Variants in WDR45B observed in about 807,000 individuals in gnomAD.
WDR45B encodes the protein WD repeat domain phosphoinositide-interacting protein 3.
WDR45B carries 20 observed loss-of-function variants against 44.6 expected under a neutral mutation model. The ratio of observed to expected loss-of-function variants is 0.45; its 90% CI spans 0.32 to 0.65. The LOEUF is 0.65. Ranked by LOEUF, WDR45B falls within the 30% of genes least tolerant of loss-of-function variation. The pLI, the probability that WDR45B is intolerant of heterozygous loss-of-function variation, is 0.05. For synonymous variants in WDR45B, 169 were observed against 164.9 expected (o/e 1.02, Z -0.19); for missense variants, 323 against 430.2 (o/e 0.75, Z 2.20).
intron 7 of WDR45B, among the ~76,000 whole-genome samples, chr17:82,618,631 G>A (rs971770339): frequency 1.3e-5 from 2 of 152,164 alleles, no homozygotes; most frequent in African/African-American, 2.4e-5. Flanking sequence ...CAGCTGCTCA[G>A]GAGGCTGAGG....
At chr17:82,618,896 C>G in intron 7 of WDR45B, 147 bp downstream of exon 7, 1 of 717,546 alleles carries the variant, frequency 1.4e-6, no homozygotes, top group Non-Finnish European at 2.5e-6. Context: ...AAGCTGAAAC[C>G]CAACCCCCTA....
At chr17:82,636,260 C>CAAAAAAAAA (rs71168123) in intron 2 of WDR45B, among the ~76,000 whole-genome samples, 1 of 104,600 alleles carries the variant, frequency 9.6e-6, no homozygotes, top group Non-Finnish European at 1.9e-5. Flanking sequence ...GACTCCGTCT[C>CAAAAAAAAA]AAAAAAAAAA....
At chr17:82,620,277 T>C (rs778660015) in intron 6 of WDR45B, among the ~76,000 whole-genome samples, 3 of 151,950 alleles carry the variant, frequency 2.0e-5, no homozygotes, top group Non-Finnish European at 4.4e-5. Flanking sequence ...CTACTAAAAA[T>C]ACAAACATTA....
rs772141094 is a variant in WDR45B at position 82,643,990 on chromosome 17, C to T, written c.101G>A (p.Arg34Gln). Residue 34 changes from arginine (R) to glutamine (Q), a missense_variant, in exon 2 of 10, where the codon CGA becomes CAA. Physicochemically the swap from Arg to Gln is conservative, Grantham distance 43. Coordinates refer to ENST00000392325, the MANE Select transcript of WDR45B (RefSeq NM_019613.4). ...CFACGMENGFRVYNTDPLKEK... is the reference protein window; with the variant it reads ...CFACGMENGFQVYNTDPLKEK... ...TTTTAGTGGATCAGTGTTATAGACT[C>T]GGAATCCATTTTCCATCCCACACGC... The T allele has an allele frequency of 3.7e-6, 6 of 1,613,972 alleles. No homozygotes were observed. The highest frequency in any genetic ancestry group is 4.2e-6 in the Non-Finnish European group (5 of 1,180,020).
intron 1 of WDR45B, among the ~76,000 whole-genome samples, chr17:82,646,571 G>A (rs2045981273): frequency 1.3e-5 from 2 of 150,926 alleles, no homozygotes; most frequent in South Asian, 2.1e-4. Context: ...TACAGAAGTA[G>A]GCAAAACTAA....
chr17:82,636,526 G>C (rs2045835084), intron 2 of WDR45B: 1 of 151,950 alleles, frequency 6.6e-6, no homozygotes, highest in Non-Finnish European at 1.5e-5. Context: ...TGCAGCTGAA[G>C]AGGGGGAAAG....
chr17:82,630,953 C>A lies in WDR45B; in HGVS notation c.212G>T (p.Gly71Val), dbSNP rs1568009539. ...FRCNYLALVG[G>V]GKKPKYPPNK... The stretch of plus-strand genomic sequence containing the variant: ...GGGAGGGTATTTCGGCTTTTTTCCA[C>A]CACCAACTAAAGCTAAATAGTTGCA... The change falls in exon 3 of 10, where the codon GGT becomes GTT. Residue 71 changes from glycine (G) to valine (V), a missense_variant. Coordinates refer to ENST00000392325, the MANE Select transcript of WDR45B (RefSeq NM_019613.4). 6.2e-7 allele frequency: 1 copy of A among 1,612,846 alleles called. No individual in the cohort carries two copies. Among genetic ancestry groups the A allele is most frequent in the East Asian group, 2.2e-5 (1 of 44,892 alleles).
chr17:82,641,256 C>T (rs1032675759), intron 2 of WDR45B, among the ~76,000 whole-genome samples: 2 of 152,110 alleles, frequency 1.3e-5, no homozygotes, highest in African/African-American at 4.8e-5. Flanking sequence ...CGTGAGCCAC[C>T]GTGCGGGCCG....
chr17:82,617,586 G>C (rs1423940467), intron 7 of WDR45B, 189 bp from the exon 8 acceptor site: 1 of 646,602 alleles, frequency 1.5e-6, no homozygotes, highest in Non-Finnish European at 2.8e-6. Flanking sequence ...AAGCCACAAA[G>C]CCACAGCCAC....
chr17:82,615,527 C>T lies in WDR45B; in HGVS notation c.*392G>A. The T allele has an allele frequency of 3.4e-6, 1 of 295,574 alleles. No individual in the cohort carries two copies. Among genetic ancestry groups the T allele is most frequent in the Non-Finnish European group, 6.6e-6 (1 of 151,044 alleles). 18.3% of individuals were successfully genotyped at this position (295,574 alleles called of 1,614,324 possible). A position where few individuals can be genotyped will look rare whatever the true frequency, so the allele number is the denominator to read the frequency against. The stretch of plus-strand genomic sequence containing the variant: ...CACTTGTTCACTCCCCCGCTGCAGA[C>T]TCAGTAAGAACGACGGAATCTGCTG... On this transcript the variant is annotated 3_prime_UTR_variant, in exon 10 of 10. Coordinates refer to ENST00000392325, the MANE Select transcript of WDR45B (RefSeq NM_019613.4).
chr17:82,621,602 CA>C lies in WDR45B; in HGVS notation c.618+6del. 3.1e-6 allele frequency: 5 copies of C among 1,614,138 alleles called. No homozygotes were observed. Among genetic ancestry groups the C allele is most frequent in the Non-Finnish European group, 4.2e-6 (5 of 1,180,050 alleles). On this transcript the variant is annotated splice_donor_region_variant and intron_variant, in intron 6 of 9. Transcript: ENST00000392325. ...CACAACACCAACAAGGTGAGTGGCA[CA>C]CTTACTTTCTCGGATGCAGTTGCAA...
chr17:82,631,086 G>A lies in WDR45B; in HGVS notation c.143-64C>T. On this transcript the variant is annotated intron_variant, in intron 2 of 9. Coordinates refer to ENST00000392325, the MANE Select transcript of WDR45B (RefSeq NM_019613.4). ...AATATGTATATTTTACAATAAAAAA[G>A]AAAAGAGAAAGTCAAGACAGGTAAC... 4.0e-6 allele frequency: 6 copies of A among 1,516,408 alleles called. No homozygotes were observed. The South Asian group carries it at 5.7e-5, about 14-fold the overall frequency. The allele number at this position is 1,516,408 out of a possible 1,614,324, so 93.9% of individuals were successfully genotyped here. A position where few individuals can be genotyped will look rare whatever the true frequency, so the allele number is the denominator to read the frequency against.
chr17:82,632,071 C>T (rs547148067), intron 2 of WDR45B, among the ~76,000 whole-genome samples: 10 of 150,006 alleles, frequency 6.7e-5, no homozygotes, highest in Non-Finnish European at 1.5e-4. Context: ...CAGAGCGAGA[C>T]TCTATCTCAA....
intron 4 of WDR45B, chr17:82,625,750 T>C: frequency 2.1e-6 from 1 of 482,040 alleles, no homozygotes; most frequent in Non-Finnish European, 3.8e-6. Context: ...AGAGACATCA[T>C]CAAACACTCC....
intron 2 of WDR45B, 37 bp downstream of exon 2, chr17:82,643,912 A>C: frequency 6.2e-7 from 1 of 1,604,992 alleles, no homozygotes; most frequent in East Asian, 2.2e-5. Context: ...GAGGGTTGGA[A>C]AGGGGAGAAA....
intron 6 of WDR45B, among the ~76,000 whole-genome samples, chr17:82,620,365 G>T (rs1027901836): frequency 6.6e-6 from 1 of 152,212 alleles, no homozygotes. Flanking sequence ...CCCAGGAGGC[G>T]GAGGTGGCAG....
chr17:82,646,738 C>T (rs564292228), intron 1 of WDR45B, among the ~76,000 whole-genome samples: 1 of 152,226 alleles, frequency 6.6e-6, no homozygotes, highest in African/African-American at 2.4e-5. Flanking sequence ...TAGCACACTT[C>T]ACTAAAAAGA....
chr17:82,629,070 T>G (rs375028189), intron 3 of WDR45B, among the ~76,000 whole-genome samples: 120 of 152,340 alleles, frequency 7.9e-4, no homozygotes, highest in African/African-American at 2.7e-3. Context: ...AAAGTACATT[T>G]ACTCAAAAAC....
chr17:82,630,119 T>G (rs530682026), intron 3 of WDR45B, among the ~76,000 whole-genome samples: 37 of 152,236 alleles, frequency 2.4e-4, no homozygotes, highest in African/African-American at 8.7e-4. Context: ...CCACTTTTCC[T>G]GCCTCTCCCC....
Sources: gnomAD v4.1 joint callset for allele counts (sites outside exome capture counted in the v4.1 genomes callset) on GRCh38, gnomAD v4.1.1 for gene constraint, MANE v1.5 for transcripts, NCBI Gene and HGNC (gene_info 2026-07-23, HGNC 2026-07-21) for gene names.